CSTF3: variants seen among roughly 807,000 people sequenced by gnomAD.
The protein encoded by CSTF3 is CF-1 77 kDa subunit.
Under a neutral mutation model 105.8 loss-of-function variants are expected in CSTF3, and 29 were observed. The ratio of observed to expected loss-of-function variants is 0.27; its 90% CI spans 0.20 to 0.37. The LOEUF (loss-of-function observed/expected upper bound fraction) is 0.37. Ranked by LOEUF, CSTF3 falls within the 10% of genes least tolerant of loss-of-function variation. The pLI is 1.00. For synonymous variants in CSTF3, 252 were observed against 281.9 expected, an observed-to-expected ratio of 0.89 and a Z score of 1.06; for missense variants, 357 against 879.3, an observed-to-expected ratio of 0.41 and a Z score of 7.51.
chr11:33,115,086 G>A (rs528200399), intron 3 of CSTF3, among the ~76,000 whole-genome samples: 18 of 152,250 alleles, frequency 1.2e-4, no homozygotes, highest in African/African-American at 3.9e-4. Context: ...GTGAACAAAC[G>A]AATAAATGAA....
chr11:33,092,957 G>A (rs1855184066), intron 15 of CSTF3, among the ~76,000 whole-genome samples: 1 of 152,166 alleles, frequency 6.6e-6, no homozygotes, highest in East Asian at 1.9e-4. Context: ...GACACTTCTT[G>A]CTAAACTCTA....
At chr11:33,159,801 T>C (rs1590293913) in intron 1 of CSTF3, among the ~76,000 whole-genome samples, 1 of 152,026 alleles carries the variant, frequency 6.6e-6, no homozygotes, top group East Asian at 1.9e-4. Flanking sequence ...AAAGCAAATA[T>C]GGCAAGGCTT....
In CSTF3 at chr11:33,141,684, G is replaced by A; in HGVS notation, c.208C>T (p.Leu70=). 6.2e-7 allele frequency: 1 copy of A among 1,612,852 alleles called. No individual in the cohort carries two copies. The highest frequency in any genetic ancestry group is 8.5e-7 in the Non-Finnish European group (1 of 1,179,610). The stretch of plus-strand genomic sequence containing the variant: ...ATAGTAACCTCTGCTTCAATGTACA[G>A]TTTCCAGAATCTGCCAGAACTGGGG... The part of the protein sequence containing the change: ...QFPSSGRFWK[L]YIEAEIKAKN... Residue 70 remains leucine (L), a synonymous_variant, in exon 3 of 21, where the codon CTG becomes TTG. Transcript: ENST00000323959.
intron 17 of CSTF3, among the ~76,000 whole-genome samples, chr11:33,088,601 G>T (rs1240415781): frequency 2.0e-5 from 3 of 151,170 alleles, no homozygotes; most frequent in African/African-American, 7.3e-5. Flanking sequence ...TTTCTTTTCT[G>T]TTTATTTTTA....
intron 1 of CSTF3, among the ~76,000 whole-genome samples, chr11:33,158,107 A>G (rs1398694914): frequency 6.6e-6 from 1 of 152,186 alleles, no homozygotes; most frequent in Non-Finnish European, 1.5e-5. Flanking sequence ...GTCATGGAGG[A>G]AACAAGATTA....
rs1166323257 is a variant in CSTF3 at position 33,086,968 on chromosome 11, G to T, written c.1795+20C>A. 1 of 1,613,892 alleles carries T rather than the reference G, an allele frequency of 6.2e-7. No homozygotes were observed. ...CAAACAAACCAACGTCTCAGTACTG[G>T]ATCTAAAGTCATGGCTTACGTGCTA... is the stretch of plus-strand genomic sequence containing the variant. On this transcript the variant is annotated intron_variant, in intron 18 of 20. Transcript: ENST00000323959.
chr11:33,094,828 CAT>C (rs1202315939), intron 15 of CSTF3, among the ~76,000 whole-genome samples: 3 of 107,900 alleles, frequency 2.8e-5, no homozygotes, highest in African/African-American at 5.2e-5. Flanking sequence ...ATTTACATGA[CAT>C]ATAATTGCAT....
intron 3 of CSTF3, among the ~76,000 whole-genome samples, chr11:33,119,590 G>A (rs1855466473): frequency 6.6e-6 from 1 of 151,688 alleles, no homozygotes; most frequent in African/African-American, 2.4e-5. Context: ...TATTAGTAGA[G>A]AAGCATAATT....
rs562639501 is a variant in CSTF3 at position 33,114,728 on chromosome 11, G to A, written c.226-6310C>T. On this transcript the variant is annotated intron_variant, in intron 3 of 20. Coordinates refer to ENST00000323959, the MANE Select transcript of CSTF3 (RefSeq NM_001326.3). ...TAGCTGGGCATGGTGGCAAGCGCCC[G>A]TAATCCCAGCTACTTGGGAGGCTGA... 1.2e-3 allele frequency among the ~76,000 whole-genome samples: 177 copies of A among 152,126 alleles called. 1 individual carries two copies. Among genetic ancestry groups the A allele is most frequent in the Non-Finnish European group, 1.6e-3 (107 of 68,000 alleles).
chr11:33,158,999 C>T (rs181388900), intron 1 of CSTF3, among the ~76,000 whole-genome samples: 1 of 151,716 alleles, frequency 6.6e-6, no homozygotes, highest in Non-Finnish European at 1.5e-5. Context: ...AAAAAAAAAT[C>T]ACATTCTTGG....
At chr11:33,154,943 C>A (rs191367439) in intron 1 of CSTF3, among the ~76,000 whole-genome samples, 33 of 152,216 alleles carry the variant, frequency 2.2e-4, no homozygotes, top group Non-Finnish European at 4.4e-4. Flanking sequence ...TGCAACCAAA[C>A]CCTACTTCAT....
chr11:33,160,915 A>T (rs1849932193), intron 1 of CSTF3, among the ~76,000 whole-genome samples: 1 of 152,192 alleles, frequency 6.6e-6, no homozygotes, highest in Non-Finnish European at 1.5e-5. Context: ...TGGGTACAGT[A>T]TATTTGGCGG....
chr11:33,095,300 A>G (rs1456021226), intron 15 of CSTF3, among the ~76,000 whole-genome samples: 1 of 152,226 alleles, frequency 6.6e-6, no homozygotes. Context: ...GTGACCTCCA[A>G]TTCCTGGGCT....
rs1284851973 is a variant in CSTF3 at position 33,084,956 on chromosome 11, G to GTGA, written c.*128_*130dup. The GTGA allele has an allele frequency of 3.1e-6, 3 of 955,086 alleles. No individual in the cohort carries two copies. Among genetic ancestry groups the GTGA allele is most frequent in the East Asian group, 2.5e-5 (1 of 39,270 alleles). The allele number at this position is 955,086 out of a possible 1,614,324, so 59.2% of individuals were successfully genotyped here. A position where few individuals can be genotyped will look rare whatever the true frequency, so the allele number is the denominator to read the frequency against. On this transcript the variant is annotated 3_prime_UTR_variant, in exon 21 of 21. Coordinates refer to ENST00000323959, the MANE Select transcript of CSTF3 (RefSeq NM_001326.3). ...TGGTTTGTTTTTTCTCAAGAACCAT[G>GTGA]TGATAGAGGCACCAATGACAATACA...
chr11:33,133,728 G>C (rs1019500821), intron 3 of CSTF3, among the ~76,000 whole-genome samples: 1 of 152,078 alleles, frequency 6.6e-6, no homozygotes, highest in African/African-American at 2.4e-5. Flanking sequence ...ACTTGTCCCA[G>C]CTATTCAGGA....
At chr11:33,096,754 C>G in intron 14 of CSTF3, 81 bp downstream of exon 14, 1 of 1,351,624 alleles carries the variant, frequency 7.4e-7, no homozygotes, top group Non-Finnish European at 1.0e-6. Flanking sequence ...AGCTTAATGA[C>G]AGAAGCTAAA....
chr11:33,122,837 G>A (rs1373596502), intron 3 of CSTF3, among the ~76,000 whole-genome samples: 2 of 148,428 alleles, frequency 1.3e-5, no homozygotes, highest in African/African-American at 5.0e-5. Flanking sequence ...GATTGCTGGA[G>A]CCTAGGAGGT....
At chr11:33,147,844 TG>T (rs1855804090) in intron 1 of CSTF3, among the ~76,000 whole-genome samples, 1 of 152,136 alleles carries the variant, frequency 6.6e-6, no homozygotes, top group Admixed American at 6.5e-5. Flanking sequence ...TCAGTATCAC[TG>T]AAGAATAAAC....
At chr11:33,137,581 T>C (rs1460146863) in intron 3 of CSTF3, among the ~76,000 whole-genome samples, 1 of 151,890 alleles carries the variant, frequency 6.6e-6, no homozygotes, top group African/African-American at 2.4e-5. Context: ...TTTCAGATTA[T>C]CACTCAGTTC....
Sources: allele counts gnomAD v4.1 joint callset (sites outside exome capture counted in the v4.1 genomes callset), GRCh38; gene constraint gnomAD v4.1.1; transcripts MANE v1.5; gene names NCBI Gene and HGNC (gene_info 2026-07-23, HGNC 2026-07-21).